Variants in ZBTB7C observed in about 807,000 individuals in gnomAD.
The protein encoded by ZBTB7C is zinc finger and BTB domain containing 7C, also known as zinc finger and BTB domain-containing protein 7C.
A neutral mutation model predicts 25.7 loss-of-function variants in ZBTB7C; 8 were observed. The observed-to-expected ratio is 0.31, with a 90% confidence interval of 0.18 to 0.56. The LOEUF is 0.56. Among genes scored for constraint, ZBTB7C ranks in the 20% least tolerant of loss-of-function variants. The probability of loss-of-function intolerance (pLI) is 0.91; values close to 1 mark genes in which losing one functional copy is unlikely to be tolerated. For missense variants in ZBTB7C, 824 were observed against 855.2 expected, an observed-to-expected ratio of 0.96 and a Z score of 0.46; for synonymous variants, 394 against 369.0, an observed-to-expected ratio of 1.07 and a Z score of -0.78.
rs2044578651 is a variant in ZBTB7C at position 48,274,255 on chromosome 18, G to T, written c.-79+63919C>A. ...GTCTTCGGTATAAATGTAGACAGCT[G>T]CTTCCCATCTTCCAAACAGTTGTGC... On this transcript the variant is annotated intron_variant, in intron 2 of 4. Coordinates refer to ENST00000590800, the MANE Select transcript of ZBTB7C (RefSeq NM_001318841.2). Among the ~76,000 whole-genome samples, 3 of 152,184 alleles carry T rather than the reference G, an allele frequency of 2.0e-5. No homozygotes were observed. The South Asian group carries it at 6.2e-4, about 32-fold the overall frequency.
chr18:48,052,784 T>C (rs7245101), intron 3 of ZBTB7C, among the ~76,000 whole-genome samples: 64,860 of 151,984 alleles, frequency 0.43, 14,412 homozygotes, highest in East Asian at 0.58. Context: ...CTTCAGTTTC[T>C]TCTTTTATAT....
intron 2 of ZBTB7C, among the ~76,000 whole-genome samples, chr18:48,208,701 C>G (rs573471127): frequency 6.6e-6 from 1 of 152,350 alleles, no homozygotes; most frequent in South Asian, 2.1e-4. Context: ...GGCTCGGAAG[C>G]CCCTGTCAAC....
chr18:48,028,384 C>T lies in ZBTB7C; in HGVS notation c.*876G>A, dbSNP rs1054757241. The T allele has an allele frequency of 2.6e-5, 4 of 152,324 alleles. No individual in the cohort carries two copies. Among genetic ancestry groups the T allele is most frequent in the South Asian group, 2.1e-4 (1 of 4,822 alleles). The allele number at this position is 152,324 out of a possible 1,614,324, so 9.4% of individuals were successfully genotyped here. ...GCTACCTGTGGGCTTTGCTGAAGCT[C>T]GGAAGCTCCCCTGATGACCTGATCT... On this transcript the variant is annotated 3_prime_UTR_variant, in exon 5 of 5. Transcript: ENST00000590800.
intron 1 of ZBTB7C, among the ~76,000 whole-genome samples, chr18:48,353,401 C>T (rs924175804): frequency 2.0e-5 from 3 of 152,172 alleles, no homozygotes; most frequent in Non-Finnish European, 2.9e-5. Context: ...GTTGATTCCT[C>T]CTCCTTCTTC....
chr18:48,133,279 G>A (rs770426891), intron 3 of ZBTB7C, among the ~76,000 whole-genome samples: 53 of 152,218 alleles, frequency 3.5e-4, no homozygotes, highest in Admixed American at 7.8e-4. Context: ...TGCGGATGAA[G>A]TGGAAGGAGG....
intron 2 of ZBTB7C, among the ~76,000 whole-genome samples, chr18:48,312,888 T>A (rs1368988552): frequency 2.6e-5 from 4 of 152,234 alleles, no homozygotes; most frequent in Non-Finnish European, 1.5e-5. Flanking sequence ...TCTTCCACGA[T>A]GCTACGGGGC....
chr18:48,383,112 A>G (rs2047669735), intron 1 of ZBTB7C, among the ~76,000 whole-genome samples: 1 of 152,114 alleles, frequency 6.6e-6, no homozygotes. Flanking sequence ...TCAGAAGACC[A>G]TGAGTCCAAT....
chr18:48,181,376 G>T (rs982409599), intron 3 of ZBTB7C, among the ~76,000 whole-genome samples: 5 of 152,178 alleles, frequency 3.3e-5, no homozygotes, highest in African/African-American at 1.2e-4. Context: ...TGGCAGACCT[G>T]CCTGGGCTGT....
intron 4 of ZBTB7C, among the ~76,000 whole-genome samples, chr18:48,030,193 A>G (rs1278560475): frequency 1.3e-5 from 2 of 152,266 alleles, no homozygotes; most frequent in East Asian, 1.9e-4. Context: ...CTCCCACTCT[A>G]TTAGGGGTTT....
At chr18:48,251,627 T>C (rs112218002) in intron 2 of ZBTB7C, among the ~76,000 whole-genome samples, 10,164 of 152,240 alleles carry the variant, frequency 0.067, 573 homozygotes, top group East Asian at 0.19. Flanking sequence ...TTCCCTTTTC[T>C]TTGTCAACCA....
intron 2 of ZBTB7C, among the ~76,000 whole-genome samples, chr18:48,235,032 T>C (rs2043343430): frequency 1.3e-5 from 2 of 152,196 alleles, no homozygotes; most frequent in African/African-American, 4.8e-5. Context: ...TTGCCCAGTG[T>C]ATCTTTTTCC....
At chr18:48,338,539 G>C (rs911977177) in intron 1 of ZBTB7C, 141 bp from the exon 2 acceptor site, 3 of 152,238 alleles carry the variant, frequency 2.0e-5, no homozygotes, top group Middle Eastern at 3.4e-3. Context: ...ATACCAACTC[G>C]ATCTCATCCA....
chr18:48,167,597 T>TGTGTGCGC (rs779870966), intron 3 of ZBTB7C, among the ~76,000 whole-genome samples: 9 of 148,044 alleles, frequency 6.1e-5, no homozygotes, highest in African/African-American at 2.2e-4. Flanking sequence ...TGTGTGTGTG[T>TGTGTGCGC]GCGCGCGTGC....
At chr18:48,249,666 C>T (rs1479982510) in intron 2 of ZBTB7C, among the ~76,000 whole-genome samples, 2 of 152,158 alleles carry the variant, frequency 1.3e-5, no homozygotes, top group Non-Finnish European at 2.9e-5. Flanking sequence ...CACAGAAGCT[C>T]TTGTAATTTC....
In ZBTB7C at chr18:48,040,972, G is replaced by A. The variant is rs748812192; in HGVS notation, c.136C>T (p.Arg46Trp). The stretch of plus-strand genomic sequence containing the variant: ...GCAGCCAGGACGGAGCGGTGGGTCC[G>A]ATACTCCTGCTCCTGCACCACCAGG... ...VLLVVQEQEY[R>W]THRSVLAACS... Residue 46 changes from arginine (R) to tryptophan (W), a missense_variant, in exon 4 of 5, where the codon CGG becomes TGG. Arg to Trp is a moderately radical substitution (Grantham distance 101). This residue lies in a region of ZBTB7C where 117 missense variants were observed against 167.7 expected (regional missense o/e 0.70). Coordinates refer to ENST00000590800, the MANE Select transcript of ZBTB7C (RefSeq NM_001318841.2). 8.1e-6 allele frequency: 13 copies of A among 1,613,998 alleles called. No homozygotes were observed. The highest frequency in any genetic ancestry group is 3.3e-5 in the Admixed American group (2 of 60,004).
intron 3 of ZBTB7C, among the ~76,000 whole-genome samples, chr18:48,107,484 G>A (rs908523713): frequency 6.6e-6 from 1 of 152,082 alleles, no homozygotes; most frequent in African/African-American, 2.4e-5. Flanking sequence ...AGCACTGCCA[G>A]GCACACAGCA....
intron 3 of ZBTB7C, among the ~76,000 whole-genome samples, chr18:48,159,219 G>A (rs1287566725): frequency 1.3e-5 from 2 of 151,960 alleles, no homozygotes; most frequent in African/African-American, 4.8e-5. Context: ...TAAAATACCT[G>A]CACATGTGGT....
chr18:48,252,842 GCAGT>G (rs2043907986), intron 2 of ZBTB7C: 1 of 152,218 alleles, frequency 6.6e-6, no homozygotes, highest in African/African-American at 2.4e-5. Flanking sequence ...GGTTAAGGAG[GCAGT>G]CCCTGACATT....
chr18:48,346,086 A>T (rs953904305), intron 1 of ZBTB7C, among the ~76,000 whole-genome samples: 1 of 152,084 alleles, frequency 6.6e-6, no homozygotes, highest in Non-Finnish European at 1.5e-5. Flanking sequence ...CCTACTGCAT[A>T]AAGTATTCTT....
Sources: allele counts gnomAD v4.1 joint callset (sites outside exome capture counted in the v4.1 genomes callset), GRCh38; gene constraint gnomAD v4.1.1; regional missense constraint gnomAD v4.1.1; transcripts MANE v1.5; gene names NCBI Gene and HGNC (gene_info 2026-07-23, HGNC 2026-07-21).